Variants in DPP10 observed in about 807,000 individuals in gnomAD.
DPP10 encodes inactive dipeptidyl peptidase 10.
In DPP10, 33 loss-of-function variants were observed where a neutral mutation model predicts 120.9. The observed-to-expected ratio is 0.27, with a 90% confidence interval of 0.21 to 0.37. The LOEUF (loss-of-function observed/expected upper bound fraction) is 0.37, where lower values mean the gene tolerates loss of function less well. Among genes scored for constraint, DPP10 ranks in the 10% least tolerant of loss-of-function variants. DPP10 has a pLI of 1.00. For synonymous variants in DPP10, 337 were observed against 326.1 expected, an observed-to-expected ratio of 1.03 and a Z score of -0.36; for missense variants, 816 against 942.8, an observed-to-expected ratio of 0.87 and a Z score of 1.76.
At chr2:115,782,553 T>C (rs1311475125) in intron 17 of DPP10, among the ~76,000 whole-genome samples, 154 bp downstream of exon 17, 1 of 152,056 alleles carries the variant, frequency 6.6e-6, no homozygotes, top group Non-Finnish European at 1.5e-5. Context: ...TGACCTTATG[T>C]ATGTAAGAGA....
At position 114,662,550 on chromosome 2, in the gene DPP10, G is replaced by A. The variant is rs557730877; in HGVS notation, c.60+219712G>A. On this transcript the variant is annotated intron_variant, in intron 1 of 25. Transcript: ENST00000410059. The stretch of plus-strand genomic sequence containing the variant: ...GACAACGTCCAGAGACCCAGCCCCG[G>A]AAATGAAGAAAGACACTTCCGGTTC... Among the ~76,000 whole-genome samples, 692 of 152,246 alleles carry A rather than the reference G, an allele frequency of 4.5e-3. 2 individuals carry two copies. The highest frequency in any genetic ancestry group is 7.0e-3 in the Admixed American group (107 of 15,300).
chr2:115,236,189 G>T (rs2057998956), intron 1 of DPP10, among the ~76,000 whole-genome samples: 1 of 152,114 alleles, frequency 6.6e-6, no homozygotes, highest in South Asian at 2.1e-4. Flanking sequence ...AACCCCCAAA[G>T]AAAACTTAGA....
chr2:115,829,562 T>G (rs1446481), intron 21 of DPP10, among the ~76,000 whole-genome samples: 66,409 of 152,018 alleles, frequency 0.44, 17,256 homozygotes, highest in East Asian at 0.68. Context: ...TAATTAAAAT[T>G]TGTTTCAACA....
chr2:115,387,856 A>G (rs1405834173), intron 3 of DPP10, among the ~76,000 whole-genome samples: 2 of 152,184 alleles, frequency 1.3e-5, no homozygotes, highest in Non-Finnish European at 2.9e-5. Context: ...ATGGTAATAA[A>G]CAGGCAATAC....
At chr2:115,105,422 TGA>T (rs10565038) in intron 1 of DPP10, among the ~76,000 whole-genome samples, 3,510 of 145,968 alleles carry the variant, frequency 0.024, 35 homozygotes, top group Middle Eastern at 0.046. Context: ...TGTCACATGG[TGA>T]GAGAGAGAGA....
intron 3 of DPP10, among the ~76,000 whole-genome samples, chr2:115,431,026 A>G (rs1261315821): frequency 6.6e-6 from 1 of 152,262 alleles, no homozygotes; most frequent in African/African-American, 2.4e-5. Flanking sequence ...TTGGTTAAAC[A>G]GATATGATAC....
chr2:114,794,684 T>C (rs1298434762), intron 1 of DPP10, among the ~76,000 whole-genome samples: 2 of 152,232 alleles, frequency 1.3e-5, no homozygotes, highest in African/African-American at 4.8e-5. Flanking sequence ...TTTCAAGTAC[T>C]ACCTTATTGT....
intron 9 of DPP10, among the ~76,000 whole-genome samples, chr2:115,741,240 A>G (rs996192749): frequency 2.6e-5 from 4 of 152,092 alleles, no homozygotes; most frequent in African/African-American, 7.2e-5. Flanking sequence ...GCAAGATTAT[A>G]AAGAGTATGA....
At chr2:115,613,376 G>A (rs1013812158) in intron 5 of DPP10, among the ~76,000 whole-genome samples, 3 of 152,180 alleles carry the variant, frequency 2.0e-5, no homozygotes, top group Non-Finnish European at 2.9e-5. Flanking sequence ...ATTTTTATAT[G>A]TGGATAGAAT....
At chr2:115,270,880 T>A (rs968559585) in intron 1 of DPP10, among the ~76,000 whole-genome samples, 1 of 144,268 alleles carries the variant, frequency 6.9e-6, no homozygotes, top group Non-Finnish European at 1.5e-5. Flanking sequence ...CTATTTGTTC[T>A]TTATATTGTT....
chr2:115,322,384 T>A (rs1463574708), intron 2 of DPP10, among the ~76,000 whole-genome samples: 1 of 152,212 alleles, frequency 6.6e-6, no homozygotes, highest in East Asian at 1.9e-4. Context: ...TTTTCTTGAA[T>A]ATTAGGAGGC....
intron 1 of DPP10, among the ~76,000 whole-genome samples, chr2:114,753,908 C>CAAAAA (rs777798352): frequency 0.015 from 455 of 31,244 alleles, no homozygotes; most frequent in Non-Finnish European, 0.021. Context: ...GACTCCTTCT[C>CAAAAA]AAAAAAAAAA....
intron 5 of DPP10, among the ~76,000 whole-genome samples, chr2:115,652,540 G>A (rs1328982653): frequency 1.3e-5 from 2 of 151,496 alleles, no homozygotes; most frequent in African/African-American, 4.9e-5. Flanking sequence ...AGGCGGAGAA[G>A]TTTCAGGATC....
chr2:114,478,671 T>C (rs952443791), intron 1 of DPP10, among the ~76,000 whole-genome samples: 5 of 152,058 alleles, frequency 3.3e-5, no homozygotes, highest in Non-Finnish European at 7.4e-5. Flanking sequence ...CATAATTACA[T>C]AGAAAATCTG....
chr2:114,453,738 C>A (rs1162558599), intron 1 of DPP10, among the ~76,000 whole-genome samples: 3 of 152,120 alleles, frequency 2.0e-5, no homozygotes, highest in African/African-American at 7.2e-5. Flanking sequence ...AAAGAAATAC[C>A]TTGATCTTTG....
intron 2 of DPP10, among the ~76,000 whole-genome samples, chr2:115,331,588 A>G (rs1200158613): frequency 6.6e-6 from 1 of 152,224 alleles, no homozygotes; most frequent in East Asian, 1.9e-4. Context: ...TTATTTTGAG[A>G]TATGTCCCAT....
chr2:115,175,823 T>G (rs978523335), intron 1 of DPP10, among the ~76,000 whole-genome samples: 5 of 152,252 alleles, frequency 3.3e-5, no homozygotes, highest in African/African-American at 1.2e-4. Flanking sequence ...TTAATTAATT[T>G]AAGCTTAAGT....
intron 1 of DPP10, among the ~76,000 whole-genome samples, chr2:115,140,724 G>T (rs960651498): frequency 2.0e-5 from 3 of 152,118 alleles, no homozygotes; most frequent in African/African-American, 7.2e-5. Flanking sequence ...GGTAGTGTGT[G>T]ATAGGAGAGA....
rs547304395 is a variant in DPP10 at position 115,836,711 on chromosome 2, A to G, written c.2147A>G (p.Glu716Gly). The stretch of plus-strand genomic sequence containing the variant: ...CTACATAATGTTCATGGCTTGAAAG[A>G]AGAAAATATATTAATAATTCATGGA... ...SVLHNVHGLK[E>G]ENILIIHGTA... The change falls in exon 24 of 26, where the codon GAA (glutamate) becomes GGA (glycine). Residue 716 changes from glutamate (E) to glycine (G), a missense_variant. By Grantham distance (98) the Glu-to-Gly change is moderately conservative. Around this residue, in one of 3 missense-constraint regions of DPP10, gnomAD observed 592 missense variants for 649.0 expected, o/e 0.91. Coordinates refer to ENST00000410059, the MANE Select transcript of DPP10 (RefSeq NM_020868.6). 47 of 1,613,230 alleles carry G rather than the reference A, an allele frequency of 2.9e-5. No homozygotes were observed. The South Asian group carries it at 5.0e-4, about 17-fold the overall frequency.
Sources: allele counts gnomAD v4.1 joint callset (sites outside exome capture counted in the v4.1 genomes callset), GRCh38; gene constraint gnomAD v4.1.1; regional missense constraint gnomAD v4.1.1; transcripts MANE v1.5; gene names NCBI Gene and HGNC (gene_info 2026-07-23, HGNC 2026-07-21).